TMEM232: variants seen among roughly 807,000 people sequenced by gnomAD.
TMEM232 encodes transmembrane protein 232.
A neutral mutation model predicts 78.8 loss-of-function variants in TMEM232; 80 were observed. That is an observed-to-expected ratio of 1.01 (90% CI 0.85 to 1.22). TMEM232 has a LOEUF of 1.22. Among genes scored for constraint, TMEM232 ranks in the 50% most tolerant of loss-of-function variants. The pLI is 0.00. For missense variants in TMEM232, 881 were observed against 742.2 expected (o/e 1.19, Z -2.17); for synonymous variants, 297 against 254.3 (o/e 1.17, Z -1.60).
intron 1 of TMEM232, among the ~76,000 whole-genome samples, chr5:110,694,658 G>A (rs1337156629): frequency 2.6e-5 from 4 of 151,944 alleles, no homozygotes; most frequent in South Asian, 4.2e-4. Flanking sequence ...TGCAATCCTA[G>A]TCGCTGATAA....
chr5:110,495,812 C>T lies in TMEM232; in HGVS notation c.1703+32776G>A, dbSNP rs934066788. Among the ~76,000 whole-genome samples the T allele has an allele frequency of 3.3e-5, 5 of 151,000 alleles. No individual in the cohort carries two copies. The East Asian group carries it at 5.8e-4, about 18-fold the overall frequency. ...TTACTAGAACTAAAATGAAAGTGATCTTCTGGTTTTTTTTTAATAATGATA... is the reference window on the plus strand; with the variant it reads ...TTACTAGAACTAAAATGAAAGTGATTTTCTGGTTTTTTTTTAATAATGATA... On this transcript the variant is annotated intron_variant, in intron 12 of 13. Transcript: ENST00000455884.
upstream of TMEM232, chr5:110,738,155 C>A (rs1190900365): frequency 3.4e-6 from 4 of 1,165,298 alleles, no homozygotes; most frequent in African/African-American, 3.3e-5. Context: ...GGGCTTCCAA[C>A]GAGTTGAAGG....
At chr5:110,738,062 G>A in exon 1 of TMEM232, 1 of 301,814 alleles carries the variant, frequency 3.3e-6, no homozygotes, top group South Asian at 3.6e-5. Flanking sequence ...AAACAAAGTT[G>A]ATTATCACTC....
chr5:110,546,124 C>T (rs1479295631), intron 11 of TMEM232, among the ~76,000 whole-genome samples: 1 of 151,878 alleles, frequency 6.6e-6, no homozygotes, highest in Admixed American at 6.6e-5. Context: ...TTAAATATTT[C>T]ACCTCTCCTC....
chr5:110,393,238 T>A (rs1286974300), intron 3 of TMEM232, among the ~76,000 whole-genome samples: 1 of 152,248 alleles, frequency 6.6e-6, no homozygotes, highest in Non-Finnish European at 1.5e-5. Context: ...ACTTGTTCTA[T>A]CAAATGCTGA....
At chr5:110,628,398 A>C (rs1784682998) in intron 5 of TMEM232, among the ~76,000 whole-genome samples, 1 of 152,066 alleles carries the variant, frequency 6.6e-6, no homozygotes, top group South Asian at 2.1e-4. Flanking sequence ...TCTGCATAGC[A>C]TGCTGTGCTA....
At chr5:110,504,967 TC>T (rs1766699135) in intron 12 of TMEM232, among the ~76,000 whole-genome samples, 1 of 152,240 alleles carries the variant, frequency 6.6e-6, no homozygotes, top group African/African-American at 2.4e-5. Flanking sequence ...AAACTATTTT[TC>T]CTCAAAAAAA....
chr5:110,534,851 A>G (rs1039351919), intron 11 of TMEM232, among the ~76,000 whole-genome samples: 4 of 152,018 alleles, frequency 2.6e-5, no homozygotes, highest in African/African-American at 7.3e-5. Flanking sequence ...CCGTTTTTCA[A>G]TTCATACAAA....
intron 12 of TMEM232, among the ~76,000 whole-genome samples, chr5:110,498,561 C>A (rs752031890): frequency 6.6e-6 from 1 of 151,972 alleles, no homozygotes; most frequent in Non-Finnish European, 1.5e-5. Flanking sequence ...GGAGAGCAAC[C>A]AAAAGTAGGC....
intron 8 of TMEM232, among the ~76,000 whole-genome samples, chr5:110,612,540 T>C (rs1305444199): frequency 6.6e-6 from 1 of 152,144 alleles, no homozygotes; most frequent in Non-Finnish European, 1.5e-5. Flanking sequence ...ATCAAGGATA[T>C]AAATAATGTG....
chr5:110,656,840 A>T (rs1789144014), intron 2 of TMEM232, among the ~76,000 whole-genome samples: 1 of 147,884 alleles, frequency 6.8e-6, no homozygotes, highest in South Asian at 2.1e-4. Context: ...TCCATCTCTA[A>T]AAAAAAAAAA....
chr5:110,620,255 C>A (rs1249160695), intron 7 of TMEM232, among the ~76,000 whole-genome samples: 1 of 152,118 alleles, frequency 6.6e-6, no homozygotes, highest in South Asian at 2.1e-4. Flanking sequence ...TCTGACACAG[C>A]CAGGTTATTT....
intron 12 of TMEM232, among the ~76,000 whole-genome samples, chr5:110,499,861 G>T (rs146680733): frequency 0.018 from 2,751 of 152,118 alleles, 31 homozygotes; most frequent in Admixed American, 0.023. Flanking sequence ...TCAATATAGA[G>T]AATATTTAAT....
At chr5:110,410,915 A>G (rs1465047282) in intron 2 of TMEM232, among the ~76,000 whole-genome samples, 1 of 152,102 alleles carries the variant, frequency 6.6e-6, no homozygotes, top group Non-Finnish European at 1.5e-5. Flanking sequence ...TGCTTCTCTA[A>G]GATGATGTGT....
intron 12 of TMEM232, among the ~76,000 whole-genome samples, chr5:110,462,545 C>T (rs1761648749): frequency 1.3e-5 from 2 of 152,174 alleles, no homozygotes; most frequent in African/African-American, 2.4e-5. Context: ...TGCCCTCGAA[C>T]ATCAGACTCC....
chr5:110,491,789 T>G (rs913852245), intron 12 of TMEM232, among the ~76,000 whole-genome samples: 1 of 151,902 alleles, frequency 6.6e-6, no homozygotes, highest in Non-Finnish European at 1.5e-5. Context: ...TCTGCAAAGA[T>G]TTAAAATATT....
At chr5:110,721,056 A>G (rs1434904962) in intron 1 of TMEM232, among the ~76,000 whole-genome samples, 1 of 152,130 alleles carries the variant, frequency 6.6e-6, no homozygotes. Flanking sequence ...GAAAGCCACA[A>G]TTTACTGCTT....
chr5:110,531,642 C>A (rs1225597702), intron 11 of TMEM232, among the ~76,000 whole-genome samples: 1 of 152,120 alleles, frequency 6.6e-6, no homozygotes. Flanking sequence ...TCCTTTTAGC[C>A]CTCCCCCACC....
At chr5:110,436,822 T>G (rs1758489185) in intron 12 of TMEM232, among the ~76,000 whole-genome samples, 1 of 152,054 alleles carries the variant, frequency 6.6e-6, no homozygotes, top group Non-Finnish European at 1.5e-5. Context: ...TGTTTGTTTT[T>G]ATGACAGTAC....
Sources: gnomAD v4.1 joint callset for allele counts (sites outside exome capture counted in the v4.1 genomes callset) on GRCh38, gnomAD v4.1.1 for gene constraint, MANE v1.5 for transcripts, NCBI Gene and HGNC (gene_info 2026-07-23, HGNC 2026-07-21) for gene names.